The following NAV3 variants were observed in gnomAD, a reference collection of about 807,000 sequenced individuals.
NAV3 encodes the protein neuron navigator 3.
NAV3 carries 87 observed loss-of-function variants against 244.7 expected under a neutral mutation model. The observed-to-expected ratio is 0.36, with a 90% CI of 0.30 to 0.42. NAV3 has a LOEUF of 0.42. Ranked by LOEUF, NAV3 falls within the 20% of genes least tolerant of loss-of-function variation. NAV3 has a pLI of 1.00. For missense variants in NAV3, 2,663 were observed against 2,893.3 expected (o/e 0.92, Z 1.83); for synonymous variants, 1,126 against 1,042.2 (o/e 1.08, Z -1.55).
chr12:77,604,099 A>G (rs1294324931), intron 2 of NAV3, among the ~76,000 whole-genome samples: 3 of 152,090 alleles, frequency 2.0e-5, no homozygotes, highest in Non-Finnish European at 4.4e-5. Context: ...ACAGGCTGCA[A>G]AGAGAAACAT....
At chr12:78,176,542 G>A in intron 26 of NAV3, 83 bp downstream of exon 26, 1 of 1,285,514 alleles carries the variant, frequency 7.8e-7, no homozygotes, top group South Asian at 1.2e-5. Flanking sequence ...TTGGCAGTAG[G>A]CTTTTATACC....
intron 2 of NAV3, among the ~76,000 whole-genome samples, chr12:77,762,253 G>T (rs1402839614): frequency 6.6e-6 from 1 of 152,062 alleles, no homozygotes; most frequent in East Asian, 1.9e-4. Flanking sequence ...ACAGTGAGGG[G>T]AACATCACAC....
At chr12:78,117,158 CATATATATATATATATATATATAT>C (rs377148138) in intron 13 of NAV3, among the ~76,000 whole-genome samples, 63 of 70,334 alleles carry the variant, frequency 9.0e-4, no homozygotes, top group Non-Finnish European at 1.5e-3. Context: ...ACAGAAGCAG[CATATATATATATATATATATATAT>C]ATATATATAT....
At chr12:78,127,277 C>T (rs1955952153) in intron 17 of NAV3, 69 bp downstream of exon 17, 21 of 1,464,054 alleles carry the variant, frequency 1.4e-5, no homozygotes, top group Non-Finnish European at 1.8e-5. Context: ...TGTCTCTCTT[C>T]CTTCTTTGTT....
At chr12:77,640,299 C>A (rs895205158) in intron 2 of NAV3, among the ~76,000 whole-genome samples, 1 of 151,872 alleles carries the variant, frequency 6.6e-6, no homozygotes, top group African/African-American at 2.4e-5. Context: ...CAGGAAGAAG[C>A]AATTTCTTGG....
Position 77,736,575 on chromosome 12 carries a change from T to C in NAV3, c.72+164309T>C, listed in dbSNP as rs116158691. ...TTCCATGTGGCCACTCCAAAGGGGA[T>C]AGATATATTTCTTACATGGTAATTT... On this transcript the variant is annotated intron_variant, in intron 2 of 8. Transcript: ENST00000550042. 2.0e-3 allele frequency among the ~76,000 whole-genome samples: 305 copies of C among 152,268 alleles called. 1 individual carries two copies. Among genetic ancestry groups the C allele is most frequent in the African/African-American group, 6.9e-3 (285 of 41,552 alleles).
rs756509786 is a variant in NAV3, at chr12:78,168,768, T to C, written c.4883T>C (p.Ile1628Thr). Reference protein sequence around the residue: ...MTAEQKESELIELRETIEMLK... With the variant: ...MTAEQKESELTELRETIEMLK... Reference sequence around the variant, plus strand: ...TTTATTCCACAGGAATCTGAACTTATAGAACTAAGAGAAACCATTGAAATG... The same window carrying C: ...TTTATTCCACAGGAATCTGAACTTACAGAACTAAGAGAAACCATTGAAATG... Residue 1628 changes from isoleucine to threonine, a missense_variant, in exon 24 of 40, where the codon ATA becomes ACA. Around this residue, in one of 6 missense-constraint regions of NAV3, gnomAD observed 48 missense variants for 90.0 expected, o/e 0.53. Coordinates refer to ENST00000397909, the MANE Select transcript of NAV3 (RefSeq NM_001024383.2). The C allele has an allele frequency of 7.5e-6, 12 of 1,607,128 alleles. No homozygotes were observed. The highest frequency in any genetic ancestry group is 2.2e-5 in the East Asian group (1 of 44,702).
intron 10 of NAV3, 73 bp downstream of exon 10, chr12:78,050,174 A>C: frequency 9.7e-7 from 1 of 1,028,786 alleles, no homozygotes; most frequent in Non-Finnish European, 1.5e-6. Flanking sequence ...AACTTTTCTT[A>C]TAATGACAGA....
intron 8 of NAV3, among the ~76,000 whole-genome samples, chr12:78,016,213 T>C (rs925043354): frequency 6.6e-6 from 1 of 152,110 alleles, no homozygotes; most frequent in African/African-American, 2.4e-5. Context: ...TCCTAGGTTT[T>C]CTTGGTGGAC....
chr12:77,868,689 G>A (rs1880457696), intron 1 of NAV3, among the ~76,000 whole-genome samples: 1 of 149,670 alleles, frequency 6.7e-6, no homozygotes, highest in Non-Finnish European at 1.5e-5. Context: ...CTGGGAAATG[G>A]AGGTTGCAGT....
chr12:77,961,519 A>G (rs1277655561), intron 3 of NAV3, among the ~76,000 whole-genome samples: 1 of 144,062 alleles, frequency 6.9e-6, no homozygotes, highest in Non-Finnish European at 1.5e-5. Context: ...AATATATAAT[A>G]TATACTTTAA....
chr12:77,596,404 C>A (rs1487354380), intron 2 of NAV3, among the ~76,000 whole-genome samples: 2 of 152,022 alleles, frequency 1.3e-5, no homozygotes, highest in African/African-American at 2.4e-5. Context: ...TATATTAGAA[C>A]ATAAATATTT....
Position 77,999,343 on chromosome 12 carries a change from C to T in NAV3, c.880+867C>T, listed in dbSNP as rs553794039. Among the ~76,000 whole-genome samples the T allele has an allele frequency of 9.2e-5, 14 of 152,328 alleles. No individual in the cohort carries two copies. In the South Asian group the frequency reaches 2.9e-3, roughly 32 times the overall value. ...GAGTGTTGGGCTCTACATGGAAAAA[C>T]ACATGAAATTAAAAAGTGGCACAAA... On this transcript the variant is annotated intron_variant, in intron 7 of 39. Transcript: ENST00000397909.
intron 2 of NAV3, among the ~76,000 whole-genome samples, chr12:77,676,175 C>T (rs975413693): frequency 6.6e-6 from 1 of 152,012 alleles, no homozygotes; most frequent in Non-Finnish European, 1.5e-5. Flanking sequence ...GTTTGCTGCA[C>T]TTATCAACCC....
intron 2 of NAV3, among the ~76,000 whole-genome samples, chr12:77,803,737 C>G (rs1201888577): frequency 6.6e-6 from 1 of 152,192 alleles, no homozygotes; most frequent in Non-Finnish European, 1.5e-5. Flanking sequence ...AATTTACACT[C>G]CCACCAACAG....
chr12:77,808,955 G>A (rs949622980), intron 2 of NAV3, among the ~76,000 whole-genome samples: 9 of 152,150 alleles, frequency 5.9e-5, no homozygotes, highest in Non-Finnish European at 1.2e-4. Context: ...CGAATTTTCC[G>A]GTGGCTTTTT....
rs566913430 is a variant in NAV3, at chr12:77,854,937, C to A, written c.243+23233C>A. On this transcript the variant is annotated intron_variant, in intron 1 of 39. Transcript: ENST00000397909. ...GGTCAGGAGATTGAGACCATCCTGGCTAACACGATGAAACCCCGTCTCTAC... is the reference window on the plus strand; with the variant it reads ...GGTCAGGAGATTGAGACCATCCTGGATAACACGATGAAACCCCGTCTCTAC... Among the ~76,000 whole-genome samples, 5 of 152,172 alleles carry A rather than the reference C, an allele frequency of 3.3e-5. No homozygotes were observed. In the South Asian group the frequency reaches 1.0e-3, roughly 32 times the overall value.
intron 5 of NAV3, among the ~76,000 whole-genome samples, chr12:77,970,443 A>C (rs146139354): frequency 6.0e-4 from 92 of 152,286 alleles, no homozygotes; most frequent in African/African-American, 2.2e-3. Context: ...ACTCCATAAT[A>C]AACAATATTT....
intron 2 of NAV3, among the ~76,000 whole-genome samples, chr12:77,607,567 G>C (rs190392756): frequency 1.5e-3 from 223 of 152,178 alleles, no homozygotes; most frequent in African/African-American, 5.2e-3. Flanking sequence ...AATTGCCTAA[G>C]AGAGGGGATT....
Sources: allele counts gnomAD v4.1 joint callset (sites outside exome capture counted in the v4.1 genomes callset), GRCh38; gene constraint gnomAD v4.1.1; regional missense constraint gnomAD v4.1.1; transcripts MANE v1.5; gene names NCBI Gene and HGNC (gene_info 2026-07-23, HGNC 2026-07-21).